Variants in KIF11 observed in about 807,000 individuals in gnomAD.
The protein encoded by KIF11 is kinesin family member 11, also known as kinesin-like protein KIF11.
In KIF11, 9 loss-of-function variants were observed where a neutral mutation model predicts 121.0. That is an observed-to-expected ratio of 0.07 (90% CI 0.04 to 0.13). The LOEUF is 0.13. KIF11 is among the 10% of genes least tolerant of loss of function. The pLI is 1.00. For missense variants in KIF11, 846 were observed against 1,217.5 expected (o/e 0.69, Z 4.54); for synonymous variants, 408 against 421.0 (o/e 0.97, Z 0.38).
Position 92,639,785 on chromosome 10 carries a change from T to G in KIF11, c.2161-9T>G. 6.4e-7 allele frequency: 1 copy of G among 1,561,496 alleles called. No homozygotes were observed. The highest frequency in any genetic ancestry group is 8.8e-7 in the Non-Finnish European group (1 of 1,141,424). On this transcript the variant is annotated splice_polypyrimidine_tract_variant and intron_variant, in intron 16 of 21. Transcript: ENST00000260731. ...TTAAGTCTCTTCACTTCCCACACCT[T>G]TCTTACAGGAACTTTGCAAGTTAAT...
intron 21 of KIF11, among the ~76,000 whole-genome samples, chr10:92,651,502 A>ATTTTG (rs1589609413): frequency 2.8e-4 from 6 of 21,560 alleles, no homozygotes; most frequent in East Asian, 2.9e-3. Context: ...TGCCTGGCTA[A>ATTTTG]TTTTGTTTTT....
chr10:92,647,261 T>TA (rs1491299860), intron 18 of KIF11, among the ~76,000 whole-genome samples: 2 of 149,878 alleles, frequency 1.3e-5, no homozygotes, highest in African/African-American at 2.4e-5. Context: ...CAGCAACAAG[T>TA]TTTTTTTTTC....
intron 17 of KIF11, among the ~76,000 whole-genome samples, chr10:92,642,758 G>C (rs1844878719): frequency 6.6e-6 from 1 of 152,050 alleles, no homozygotes; most frequent in South Asian, 2.1e-4. Context: ...AATGAATACA[G>C]GTTTTCTAGC....
intron 1 of KIF11, among the ~76,000 whole-genome samples, chr10:92,595,498 G>T (rs1208234133): frequency 6.6e-6 from 1 of 151,990 alleles, no homozygotes; most frequent in Non-Finnish European, 1.5e-5. Flanking sequence ...CCTACATAAT[G>T]CGCTACTGGT....
chr10:92,607,708 T>G (rs1057372494), intron 4 of KIF11, among the ~76,000 whole-genome samples: 5 of 152,132 alleles, frequency 3.3e-5, no homozygotes, highest in Non-Finnish European at 5.9e-5. Flanking sequence ...TTCCATGAAT[T>G]TAAGTGAGTT....
chr10:92,636,711 TATTG>T (rs1844802052), intron 14 of KIF11, among the ~76,000 whole-genome samples: 1 of 151,868 alleles, frequency 6.6e-6, no homozygotes, highest in Non-Finnish European at 1.5e-5. Flanking sequence ...TGTATTATTG[TATTG>T]ATTTATCTAT....
At chr10:92,599,486 C>G (rs188200400) in intron 1 of KIF11, among the ~76,000 whole-genome samples, 1 of 146,100 alleles carries the variant, frequency 6.8e-6, no homozygotes, top group Non-Finnish European at 1.5e-5. Context: ...GATCGTGCCA[C>G]TGTACTCCAG....
intron 14 of KIF11, among the ~76,000 whole-genome samples, chr10:92,635,055 T>G (rs1266541747): frequency 6.6e-6 from 1 of 152,204 alleles, no homozygotes; most frequent in Non-Finnish European, 1.5e-5. Context: ...ATAGTCTTTA[T>G]TTTATAATTG....
intron 14 of KIF11, among the ~76,000 whole-genome samples, chr10:92,636,548 G>A (rs888359725): frequency 4.0e-5 from 6 of 150,834 alleles, no homozygotes; most frequent in East Asian, 4.0e-4. Context: ...CCCAGGAGGC[G>A]GAGGTTGCAG....
At position 92,615,842 on chromosome 10, in the gene KIF11, GTTTTTTT is replaced by G. The variant is rs71481176; in HGVS notation, c.1033-886_1033-880del. ...TATAGTATGGATATGGGATTTTTTT[GTTTTTTT>G]TTTTTTTTGAGATGGAGTCTCGCTC... On this transcript the variant is annotated intron_variant, in intron 8 of 21. Coordinates refer to ENST00000260731, the MANE Select transcript of KIF11 (RefSeq NM_004523.4). 8.3e-4 allele frequency among the ~76,000 whole-genome samples: 108 copies of G among 129,966 alleles called. 1 individual carries two copies. Among genetic ancestry groups the G allele is most frequent in the Admixed American group, 1.6e-3 (21 of 12,820 alleles). 85.3% of individuals were successfully genotyped at this position (129,966 alleles called of 152,430 possible).
intron 1 of KIF11, among the ~76,000 whole-genome samples, chr10:92,598,332 C>T (rs1294491635): frequency 6.6e-6 from 1 of 152,166 alleles, no homozygotes; most frequent in Non-Finnish European, 1.5e-5. Context: ...AGTTTCCCAG[C>T]ACCATTTGGT....
At chr10:92,621,900 T>C (rs376010133) in intron 10 of KIF11, among the ~76,000 whole-genome samples, 1 of 152,220 alleles carries the variant, frequency 6.6e-6, no homozygotes, top group African/African-American at 2.4e-5. Context: ...AATCATTAAT[T>C]CATGTGAAGT....
chr10:92,616,839 G>T lies in KIF11; in HGVS notation c.1128+7G>T. ...CAAAAAAGCTCTTATTAAGGTAACT[G>T]TGAATTTTTGTAGAGTAATGTAATC... On this transcript the variant is annotated splice_region_variant and intron_variant, in intron 9 of 21. Coordinates refer to ENST00000260731, the MANE Select transcript of KIF11 (RefSeq NM_004523.4). 1 of 1,444,696 alleles carries T rather than the reference G, an allele frequency of 6.9e-7. No homozygotes were observed. Among genetic ancestry groups the T allele is most frequent in the South Asian group, 1.2e-5 (1 of 83,906 alleles). The allele number at this position is 1,444,696 out of a possible 1,614,324, so 89.5% of individuals were successfully genotyped here.
At chr10:92,611,241 C>G (rs1370953668) in intron 6 of KIF11, among the ~76,000 whole-genome samples, 1 of 151,796 alleles carries the variant, frequency 6.6e-6, no homozygotes, top group Non-Finnish European at 1.5e-5. Flanking sequence ...GAGACAGAGC[C>G]TCTCTCTGTC....
intron 10 of KIF11, among the ~76,000 whole-genome samples, chr10:92,625,076 CT>C (rs1275919749): frequency 6.6e-6 from 1 of 151,804 alleles, no homozygotes; most frequent in African/African-American, 2.4e-5. Context: ...GCCGGTATTT[CT>C]GTTTTAAGTT....
At chr10:92,630,789 C>T (rs1018382824) in intron 12 of KIF11, among the ~76,000 whole-genome samples, 8 of 150,638 alleles carry the variant, frequency 5.3e-5, no homozygotes, top group Non-Finnish European at 4.4e-5. Flanking sequence ...ATCACTTGAA[C>T]CCGGGAGGCA....
chr10:92,599,035 C>A (rs561196579), intron 1 of KIF11, among the ~76,000 whole-genome samples: 12 of 152,272 alleles, frequency 7.9e-5, no homozygotes, highest in African/African-American at 2.6e-4. Flanking sequence ...ACCTTGGCCT[C>A]CCAAAGTGCT....
At chr10:92,638,190 A>C (rs1292103643) in intron 16 of KIF11, among the ~76,000 whole-genome samples, 2 of 152,242 alleles carry the variant, frequency 1.3e-5, no homozygotes, top group Non-Finnish European at 1.5e-5. Flanking sequence ...AGCTTATTAT[A>C]ATATGACAGA....
chr10:92,651,090 G>A (rs544569716), intron 21 of KIF11, among the ~76,000 whole-genome samples: 5 of 151,890 alleles, frequency 3.3e-5, no homozygotes, highest in East Asian at 1.9e-4. Context: ...GGAGTGGCAC[G>A]ATCTTGGCTC....
Sources: allele counts gnomAD v4.1 joint callset (sites outside exome capture counted in the v4.1 genomes callset), GRCh38; gene constraint gnomAD v4.1.1; transcripts MANE v1.5; gene names NCBI Gene and HGNC (gene_info 2026-07-23, HGNC 2026-07-21).